Variants in CADM2 observed in about 807,000 individuals in gnomAD.
CADM2 encodes the protein cell adhesion molecule 2.
CADM2 carries 12 observed loss-of-function variants against 49.8 expected under a neutral mutation model. That is an observed-to-expected ratio of 0.24 (90% CI 0.15 to 0.39). The LOEUF is 0.39. Among genes scored for constraint, CADM2 ranks in the 10% least tolerant of loss-of-function variants. CADM2 has a pLI of 1.00. For missense variants in CADM2, 378 were observed against 492.3 expected (o/e 0.77, Z 2.20); for synonymous variants, 214 against 175.4 (o/e 1.22, Z -1.74).
At chr3:85,506,713 C>T (rs936867442) in intron 1 of CADM2, among the ~76,000 whole-genome samples, 1 of 152,056 alleles carries the variant, frequency 6.6e-6, no homozygotes, top group Non-Finnish European at 1.5e-5. Flanking sequence ...GCTATTTACT[C>T]CTCAGTCTGT....
At chr3:85,249,600 T>C (rs2042728116) in intron 1 of CADM2, among the ~76,000 whole-genome samples, 1 of 152,008 alleles carries the variant, frequency 6.6e-6, no homozygotes, top group African/African-American at 2.4e-5. Context: ...ATTACCAGAA[T>C]ATCTTTCCTT....
chr3:85,173,957 C>T (rs776255474), intron 1 of CADM2, among the ~76,000 whole-genome samples: 3 of 152,038 alleles, frequency 2.0e-5, no homozygotes, highest in Non-Finnish European at 4.4e-5. Context: ...ATCAGAGAAA[C>T]AGGAATTTTA....
At chr3:85,906,422 A>G (rs893833115) in intron 5 of CADM2, among the ~76,000 whole-genome samples, 2 of 152,142 alleles carry the variant, frequency 1.3e-5, no homozygotes, top group African/African-American at 4.8e-5. Context: ...ATAATCTTCC[A>G]TAAACATTAT....
chr3:85,085,638 A>G (rs1019706375), intron 1 of CADM2, among the ~76,000 whole-genome samples: 1 of 152,084 alleles, frequency 6.6e-6, no homozygotes, highest in Non-Finnish European at 1.5e-5. Flanking sequence ...GTTTTTCTTT[A>G]CAAGTCTCTA....
chr3:85,936,025 A>G (rs1191439389), intron 7 of CADM2, among the ~76,000 whole-genome samples, 168 bp downstream of exon 7: 1 of 151,670 alleles, frequency 6.6e-6, no homozygotes. Flanking sequence ...TCTATGGAAG[A>G]TTGGTTTTTA....
intron 2 of CADM2, among the ~76,000 whole-genome samples, chr3:85,787,775 A>C (rs933509171): frequency 6.6e-6 from 1 of 152,064 alleles, no homozygotes; most frequent in Non-Finnish European, 1.5e-5. Flanking sequence ...TGTGTGTAGA[A>C]TAAGTGTAAG....
chr3:85,148,085 C>G (rs1195962908), intron 1 of CADM2, among the ~76,000 whole-genome samples: 1 of 152,026 alleles, frequency 6.6e-6, no homozygotes, highest in African/African-American at 2.4e-5. Flanking sequence ...CAATGTTGAC[C>G]CAACCTTATC....
intron 1 of CADM2, among the ~76,000 whole-genome samples, chr3:84,998,455 T>A (rs1190399765): frequency 6.6e-6 from 1 of 152,104 alleles, no homozygotes; most frequent in Non-Finnish European, 1.5e-5. Context: ...AGTACAGAAC[T>A]GAAAGAAAAC....
chr3:85,368,520 G>T (rs888232422), intron 1 of CADM2, among the ~76,000 whole-genome samples: 3 of 149,776 alleles, frequency 2.0e-5, no homozygotes, highest in East Asian at 1.9e-4. Flanking sequence ...ATATATACAT[G>T]AATATTAATA....
At chr3:85,308,007 C>A (rs2044254830) in intron 1 of CADM2, among the ~76,000 whole-genome samples, 1 of 150,940 alleles carries the variant, frequency 6.6e-6, no homozygotes, top group Non-Finnish European at 1.5e-5. Context: ...TCAACTTCAA[C>A]CTACACAAAT....
At chr3:85,569,057 C>A (rs2107231135) in intron 1 of CADM2, among the ~76,000 whole-genome samples, 1 of 152,224 alleles carries the variant, frequency 6.6e-6, no homozygotes, top group East Asian at 1.9e-4. Context: ...CAGATATTGA[C>A]ATGGAAACAG....
rs569650504 is a variant in CADM2 at position 86,043,141 on chromosome 3, C to G, written c.971-22464C>G. Among the ~76,000 whole-genome samples, 18 of 152,248 alleles carry G rather than the reference C, an allele frequency of 1.2e-4. No homozygotes were observed. The East Asian group carries it at 3.3e-3, about 28-fold the overall frequency. On this transcript the variant is annotated intron_variant, in intron 8 of 9. Transcript: ENST00000383699. ...CAATATCGTACTGAATGGGCAAAAA[C>G]TGGAAGCATTCGCTTTGAAAACTGG...
intron 3 of CADM2, among the ~76,000 whole-genome samples, chr3:85,867,848 C>A (rs973707696): frequency 1.3e-5 from 2 of 152,124 alleles, no homozygotes; most frequent in Middle Eastern, 3.4e-3. Flanking sequence ...TCACCACTTC[C>A]TTTTCCTTTT....
intron 1 of CADM2, among the ~76,000 whole-genome samples, chr3:85,677,965 G>A (rs909970725): frequency 5.3e-5 from 8 of 152,166 alleles, no homozygotes; most frequent in African/African-American, 1.9e-4. Context: ...TAAAAACCAT[G>A]ATTTACTATG....
intron 1 of CADM2, among the ~76,000 whole-genome samples, chr3:85,114,390 G>T (rs935042980): frequency 6.6e-6 from 1 of 152,214 alleles, no homozygotes; most frequent in African/African-American, 2.4e-5. Context: ...TAAGCAACAG[G>T]TAGTTGGTTC....
chr3:85,376,338 T>C (rs2033592576), intron 1 of CADM2, among the ~76,000 whole-genome samples: 1 of 152,112 alleles, frequency 6.6e-6, no homozygotes, highest in Middle Eastern at 3.2e-3. Context: ...GAGAGAAGGC[T>C]TTTGTATAAT....
At chr3:85,643,076 C>A (rs2064770726) in intron 1 of CADM2, among the ~76,000 whole-genome samples, 1 of 152,074 alleles carries the variant, frequency 6.6e-6, no homozygotes, top group South Asian at 2.1e-4. Context: ...ATTGGAAACA[C>A]AATTATAATA....
At chr3:85,706,665 GA>G (rs1172566730) in intron 1 of CADM2, among the ~76,000 whole-genome samples, 2 of 152,006 alleles carry the variant, frequency 1.3e-5, no homozygotes, top group Non-Finnish European at 2.9e-5. Flanking sequence ...ACTGAAATAT[GA>G]AAAAATATAC....
chr3:85,158,141 A>C (rs890732752), intron 1 of CADM2, among the ~76,000 whole-genome samples: 1 of 152,230 alleles, frequency 6.6e-6, no homozygotes, highest in Non-Finnish European at 1.5e-5. Flanking sequence ...CCACAATGAG[A>C]TACCATCTCA....
Sources: gnomAD v4.1 joint callset for allele counts (sites outside exome capture counted in the v4.1 genomes callset) on GRCh38, gnomAD v4.1.1 for gene constraint, MANE v1.5 for transcripts, NCBI Gene and HGNC (gene_info 2026-07-23, HGNC 2026-07-21) for gene names.